ASPG: variants seen among roughly 807,000 people sequenced by gnomAD.
ASPG encodes the protein 60 kDa lysophospholipase.
ASPG carries 53 observed loss-of-function variants against 63.2 expected under a neutral mutation model. The observed-to-expected ratio is 0.84, with a 90% CI of 0.67 to 1.05. ASPG has a LOEUF of 1.05. Among genes scored for constraint, ASPG ranks in the 50% least tolerant of loss-of-function variants. The probability of loss-of-function intolerance (pLI) is 0.00; values close to 1 mark genes in which losing one functional copy is unlikely to be tolerated. For synonymous variants in ASPG, 370 were observed against 355.0 expected (o/e 1.04, Z -0.48); for missense variants, 741 against 794.4 (o/e 0.93, Z 0.81).
chr14:104,095,083 C>T (rs894626293), intron 3 of ASPG, among the ~76,000 whole-genome samples: 1 of 152,206 alleles, frequency 6.6e-6, no homozygotes, highest in African/African-American at 2.4e-5. Flanking sequence ...CAGGCAACCT[C>T]CAGGATCACC....
At chr14:104,094,584 C>A (rs1878125051) in intron 3 of ASPG, among the ~76,000 whole-genome samples, 1 of 152,184 alleles carries the variant, frequency 6.6e-6, no homozygotes, top group South Asian at 2.1e-4. Context: ...CCTTACGAAC[C>A]CCCTGCTCCC....
chr14:104,103,312 C>T (rs754333737), intron 6 of ASPG, among the ~76,000 whole-genome samples: 4 of 152,268 alleles, frequency 2.6e-5, no homozygotes, highest in Non-Finnish European at 5.9e-5. Context: ...GGCCATCGGT[C>T]TCTCGCTGGC....
Position 104,110,374 on chromosome 14 carries a change from C to T in ASPG, c.1520+1059C>T, listed in dbSNP as rs8021853. ...CTGGTCTTGCTTTTGAAGGGACTTCCGGGGTGACTTGGTCAAGATTTGCAC... is the reference window on the plus strand; with the variant it reads ...CTGGTCTTGCTTTTGAAGGGACTTCTGGGGTGACTTGGTCAAGATTTGCAC... On this transcript the variant is annotated intron_variant, in intron 13 of 15. Coordinates refer to ENST00000551177, the MANE Select transcript of ASPG (RefSeq NM_001080464.3). This position sits in a 1 kb window ranked among gnomAD's most constrained non-coding sequence, Gnocchi z 4.7. The T allele has an allele frequency of 1.4e-4, 135 of 985,188 alleles. No homozygotes were observed. The highest frequency in any genetic ancestry group is 2.5e-4 in the Admixed American group (4 of 16,250). 61.0% of individuals were successfully genotyped at this position (985,188 alleles called of 1,614,324 possible).
At chr14:104,104,811 G>A (rs2037050545) in intron 9 of ASPG, 76 bp downstream of exon 9, 3 of 1,276,176 alleles carry the variant, frequency 2.4e-6, no homozygotes. Context: ...GCATGTCTGG[G>A]GCGATGCCGG....
chr14:104,095,420 T>G, intron 3 of ASPG, 111 bp from the exon 4 acceptor site: 1 of 1,472,466 alleles, frequency 6.8e-7, no homozygotes, highest in East Asian at 2.4e-5. Context: ...GTCCCACGGG[T>G]GCCTCCCCTG....
At position 104,112,735 on chromosome 14, in the gene ASPG, G is replaced by A. The variant is rs2037416693; in HGVS notation, c.*191G>A. ...CCAGGTCTGTACAGCCTGGCTCTGA[G>A]AGGCTCTGTCTGGGTCCGGGACTGT... is the stretch of plus-strand genomic sequence containing the variant. On this transcript the variant is annotated 3_prime_UTR_variant, in exon 16 of 16. Transcript: ENST00000551177. 1 of 1,339,092 alleles carries A rather than the reference G, an allele frequency of 7.5e-7. No individual in the cohort carries two copies. The highest frequency in any genetic ancestry group is 1.5e-5 in the African/African-American group (1 of 68,804). 83.0% of individuals were successfully genotyped at this position (1,339,092 alleles called of 1,614,324 possible). A position where few individuals can be genotyped will look rare whatever the true frequency, so the allele number is the denominator to read the frequency against.
In ASPG at chr14:104,110,781, A is replaced by G. The variant is rs2037350912; in HGVS notation, c.1521-721A>G. 1 of 985,104 alleles carries G rather than the reference A, an allele frequency of 1.0e-6. No individual in the cohort carries two copies. The highest frequency in any genetic ancestry group is 4.7e-5 in the South Asian group (1 of 21,280). The allele number at this position is 985,104 out of a possible 1,614,324, so 61.0% of individuals were successfully genotyped here. ...GCCCCTGCACACCATGGGTGGGTGG[A>G]GCCTTCCCTGCCGGGTCCCCACCTG... On this transcript the variant is annotated intron_variant, in intron 13 of 15. Transcript: ENST00000551177. This position sits in a 1 kb window ranked among gnomAD's most constrained non-coding sequence, Gnocchi z 4.7.
chr14:104,112,024 C>T (rs1440617988), intron 15 of ASPG, 24 bp downstream of exon 15: 13 of 1,542,616 alleles, frequency 8.4e-6, no homozygotes, highest in African/African-American at 1.4e-5. Flanking sequence ...CCAGGCGGGG[C>T]TGACACCCCC....
chr14:104,106,032 C>T (rs569443205), intron 10 of ASPG, among the ~76,000 whole-genome samples: 8 of 152,352 alleles, frequency 5.3e-5, no homozygotes, highest in Non-Finnish European at 1.2e-4. Flanking sequence ...TGGGGTCCTG[C>T]CCCGGCCTCA....
intron 2 of ASPG, chr14:104,092,998 G>A: frequency 5.5e-6 from 3 of 546,418 alleles, no homozygotes; most frequent in Non-Finnish European, 3.3e-6. Flanking sequence ...GCTTCGGCAA[G>A]TGTGATGAGG....
At chr14:104,104,133 C>T (rs981012243) in intron 7 of ASPG, among the ~76,000 whole-genome samples, 171 bp from the exon 8 acceptor site, 2 of 152,226 alleles carry the variant, frequency 1.3e-5, no homozygotes, top group Non-Finnish European at 2.9e-5. Context: ...CAGCCCCCTC[C>T]AGGTGCCAGC....
Position 104,105,434 on chromosome 14 carries a change from G to T in ASPG, c.1157G>T (p.Ser386Ile). Residue 386 changes from serine to isoleucine, a missense_variant, in exon 10 of 16, where the codon AGT becomes ATT. By Grantham distance (142) the Ser-to-Ile change is moderately radical. Transcript: ENST00000551177. Reference protein sequence around the residue: ...TLGGGVSWLLSLSGSQEADAL... With the variant: ...TLGGGVSWLLILSGSQEADAL... Reference sequence around the variant, plus strand: ...GGCGGTGGGGTCTCCTGGCTCCTCAGTCTGAGCGGCAGCCAGGTAATGGCG... The same window carrying T: ...GGCGGTGGGGTCTCCTGGCTCCTCATTCTGAGCGGCAGCCAGGTAATGGCG... 6.2e-7 allele frequency: 1 copy of T among 1,602,924 alleles called. No homozygotes were observed. The highest frequency in any genetic ancestry group is 8.5e-7 in the Non-Finnish European group (1 of 1,175,290).
rs1413662365 is a variant in ASPG, at chr14:104,085,964, G to A, written c.82+112G>A. The A allele has an allele frequency of 3.8e-5, 38 of 1,003,190 alleles. No individual in the cohort carries two copies. The East Asian group carries it at 1.1e-3, about 28-fold the overall frequency. 62.1% of individuals were successfully genotyped at this position (1,003,190 alleles called of 1,614,324 possible). A position where few individuals can be genotyped will look rare whatever the true frequency, so the allele number is the denominator to read the frequency against. Reference sequence around the variant, plus strand: ...GGGGAGTCAAATCCGCGCCTGGATGGGGGGTGCGGGCTGAGGTCGCTCTCC... The same window carrying A: ...GGGGAGTCAAATCCGCGCCTGGATGAGGGGTGCGGGCTGAGGTCGCTCTCC... On this transcript the variant is annotated intron_variant, in intron 1 of 15. Transcript: ENST00000551177.
chr14:104,087,786 C>G (rs766120427), intron 1 of ASPG, among the ~76,000 whole-genome samples: 1 of 152,236 alleles, frequency 6.6e-6, no homozygotes, highest in Non-Finnish European at 1.5e-5. Context: ...ACACCCGTCT[C>G]GCTTGGCCCC....
rs925251288 is a variant in ASPG, at chr14:104,095,255, G to A, written c.304-276G>A. Among the ~76,000 whole-genome samples the A allele has an allele frequency of 2.3e-4, 35 of 152,348 alleles. 1 individual carries two copies. The highest frequency in any genetic ancestry group is 3.4e-3 in the Middle Eastern group (1 of 294). ...TCCCGCCCTTGGGGAGTGTGCAGAGGCCCCTTGGAGGGACTCATTCTCGAG... is the reference window on the plus strand; with the variant it reads ...TCCCGCCCTTGGGGAGTGTGCAGAGACCCCTTGGAGGGACTCATTCTCGAG... On this transcript the variant is annotated intron_variant, in intron 3 of 15. Transcript: ENST00000551177.
chr14:104,111,118 C>T (rs934600771), intron 13 of ASPG: 33 of 985,244 alleles, frequency 3.3e-5, no homozygotes, highest in Non-Finnish European at 3.9e-5. Context: ...GGCAGGTGGG[C>T]GTGCATATGT....
At position 104,109,039 on chromosome 14, in the gene ASPG, C is replaced by T. The variant is rs1290195394; in HGVS notation, c.1434-190C>T. Reference sequence around the variant, plus strand: ...TGGACAAATGGAGGTGGTGGGATCCCGGGATGATGTCACATGGGCCTAGGC... The same window carrying T: ...TGGACAAATGGAGGTGGTGGGATCCTGGGATGATGTCACATGGGCCTAGGC... On this transcript the variant is annotated intron_variant, in intron 12 of 15. Transcript: ENST00000551177. The surrounding 1 kb of genome is among the most constrained non-coding windows in gnomAD (Gnocchi z 4.8). 2.0e-6 allele frequency: 2 copies of T among 985,328 alleles called. No individual in the cohort carries two copies. Among genetic ancestry groups the T allele is most frequent in the Non-Finnish European group, 2.4e-6 (2 of 829,924 alleles). The allele number at this position is 985,328 out of a possible 1,614,324, so 61.0% of individuals were successfully genotyped here.
rs966322895 is a variant in ASPG, at chr14:104,098,900, C to G, written c.561C>G (p.Thr187=). The G allele has an allele frequency of 6.2e-7, 1 of 1,612,612 alleles. No individual in the cohort carries two copies. The highest frequency in any genetic ancestry group is 8.5e-7 in the Non-Finnish European group (1 of 1,179,690). ...AGCTGTTTCGGGGCAACCGGGCAAC[C>G]AAGGTAGACGCTCGGAGGTTCGCAG... is the stretch of plus-strand genomic sequence containing the variant. ...QNQLFRGNRA[T]KVDARRFAAF... The change falls in exon 6 of 16, where the codon ACC becomes ACG. Residue 187 remains threonine (T), a synonymous_variant. Coordinates refer to ENST00000551177, the MANE Select transcript of ASPG (RefSeq NM_001080464.3).
At chr14:104,111,451 G>A in intron 13 of ASPG, 51 bp from the exon 14 acceptor site, 2 of 1,458,542 alleles carry the variant, frequency 1.4e-6, no homozygotes, top group Non-Finnish European at 1.9e-6. Context: ...GTGGGCAGAT[G>A]GACAGGTGCC....
Sources: gnomAD v4.1 joint callset for allele counts (sites outside exome capture counted in the v4.1 genomes callset) on GRCh38, gnomAD v4.1.1 for gene constraint, Gnocchi (gnomAD v3.1) non-coding constraint, MANE v1.5 for transcripts, NCBI Gene and HGNC (gene_info 2026-07-23, HGNC 2026-07-21) for gene names.